Variants in TCERG1L observed in about 807,000 individuals in gnomAD.
TCERG1L encodes transcription elongation regulator 1 like, also known as transcription elongation regulator 1-like protein.
In TCERG1L, 37 loss-of-function variants were observed where a neutral mutation model predicts 56.3. The observed-to-expected ratio is 0.66, with a 90% CI of 0.51 to 0.87. The LOEUF (loss-of-function observed/expected upper bound fraction) is 0.87. Among genes scored for constraint, TCERG1L ranks in the 40% least tolerant of loss-of-function variants. The probability of loss-of-function intolerance (pLI) is 0.00; values close to 1 mark genes in which losing one functional copy is unlikely to be tolerated. For missense variants in TCERG1L, 799 were observed against 774.2 expected, an observed-to-expected ratio of 1.03 and a Z score of -0.38; for synonymous variants, 324 against 326.3, an observed-to-expected ratio of 0.99 and a Z score of 0.08.
intron 4 of TCERG1L, among the ~76,000 whole-genome samples, chr10:131,245,203 C>T (rs1846018087): frequency 6.6e-6 from 1 of 152,144 alleles, no homozygotes; most frequent in African/African-American, 2.4e-5. Flanking sequence ...GCACTGTGAC[C>T]CCAACACACA....
chr10:131,123,856 A>C (rs995975559), intron 8 of TCERG1L, among the ~76,000 whole-genome samples: 1 of 152,054 alleles, frequency 6.6e-6, no homozygotes. Flanking sequence ...CTGTCTTCTC[A>C]AATGCATTTT....
At chr10:131,300,508 T>C (rs1377578268) in intron 3 of TCERG1L, among the ~76,000 whole-genome samples, 1 of 152,206 alleles carries the variant, frequency 6.6e-6, no homozygotes, top group Non-Finnish European at 1.5e-5. Context: ...CAGGAGTTCA[T>C]CAAAGTAATT....
At chr10:131,116,202 A>T (rs1845457978) in intron 9 of TCERG1L, among the ~76,000 whole-genome samples, 1 of 152,236 alleles carries the variant, frequency 6.6e-6, no homozygotes, top group Admixed American at 6.5e-5. Flanking sequence ...CCGACCCCCA[A>T]GTCAAAGTGA....
intron 4 of TCERG1L, among the ~76,000 whole-genome samples, chr10:131,197,204 GTC>G (rs1390918083): frequency 6.8e-6 from 1 of 147,858 alleles, no homozygotes; most frequent in Non-Finnish European, 1.5e-5. Flanking sequence ...TTGAGATGGA[GTC>G]TCACTCTGTT....
chr10:131,302,265 C>T (rs1846770611), intron 3 of TCERG1L, among the ~76,000 whole-genome samples: 1 of 151,666 alleles, frequency 6.6e-6, no homozygotes, highest in African/African-American at 2.4e-5. Flanking sequence ...CATAAAATGC[C>T]TCCAGGATAC....
intron 4 of TCERG1L, among the ~76,000 whole-genome samples, chr10:131,180,435 T>C (rs2397749): frequency 0.46 from 70,175 of 152,212 alleles, 19,316 homozygotes; most frequent in South Asian, 0.69. Context: ...GGATATTACA[T>C]TCTGTTTCAT....
At chr10:131,147,934 C>T (rs1301993870) in intron 6 of TCERG1L, among the ~76,000 whole-genome samples, 6 of 152,216 alleles carry the variant, frequency 3.9e-5, no homozygotes, top group Non-Finnish European at 1.5e-5. Context: ...CACCCAGGCA[C>T]GTTCCATGGG....
chr10:131,198,508 GAGCAGA>G (rs1299136890), intron 4 of TCERG1L, among the ~76,000 whole-genome samples: 1 of 152,256 alleles, frequency 6.6e-6, no homozygotes, highest in Non-Finnish European at 1.5e-5. Context: ...AATTTATAAA[GAGCAGA>G]AGTGTGTTCC....
chr10:131,273,300 G>A (rs529128208), intron 3 of TCERG1L, among the ~76,000 whole-genome samples: 60 of 152,240 alleles, frequency 3.9e-4, no homozygotes, highest in African/African-American at 1.3e-3. Flanking sequence ...GGTGATTCTC[G>A]GGCAGTGTCT....
At chr10:131,264,745 G>A (rs1200520705) in intron 3 of TCERG1L, among the ~76,000 whole-genome samples, 1 of 152,220 alleles carries the variant, frequency 6.6e-6, no homozygotes, top group South Asian at 2.1e-4. Context: ...TAAGACCTCC[G>A]TGTTGGCGGG....
At chr10:131,251,343 C>CCT (rs1240689352) in intron 4 of TCERG1L, among the ~76,000 whole-genome samples, 1 of 151,834 alleles carries the variant, frequency 6.6e-6, no homozygotes, top group Admixed American at 6.6e-5. Flanking sequence ...CAGAACAGCC[C>CCT]CTCTCCCTCT....
chr10:131,150,228 G>A (rs1845848438), intron 6 of TCERG1L, among the ~76,000 whole-genome samples: 1 of 9,362 alleles, frequency 1.1e-4, no homozygotes, highest in Non-Finnish European at 1.3e-3. Context: ...TTTCTGGCAG[G>A]AGGCCATCTG....
intron 7 of TCERG1L, among the ~76,000 whole-genome samples, chr10:131,143,430 C>T (rs1845759313): frequency 1.3e-5 from 2 of 152,146 alleles, no homozygotes; most frequent in Admixed American, 1.3e-4. Context: ...GCCTCTCCTC[C>T]CTCCAACCCA....
rs138578267 is a variant in TCERG1L, at chr10:131,139,510, C to T, written c.1190-5062G>A. On this transcript the variant is annotated intron_variant, in intron 7 of 11. Transcript: ENST00000368642. ...CTCTGAGTCTGAAAGATAGCCAAGACGCATTACAGGTGCGGTGCAGACAGC... is the reference window on the plus strand; with the variant it reads ...CTCTGAGTCTGAAAGATAGCCAAGATGCATTACAGGTGCGGTGCAGACAGC... Among the ~76,000 whole-genome samples the T allele has an allele frequency of 7.3e-3, 1,109 of 152,296 alleles. 8 individuals are homozygous for T. Among genetic ancestry groups the T allele is most frequent in the South Asian group, 0.024 (118 of 4,826 alleles).
At chr10:131,120,253 C>T (rs1845499798) in intron 8 of TCERG1L, among the ~76,000 whole-genome samples, 1 of 152,162 alleles carries the variant, frequency 6.6e-6, no homozygotes, top group African/African-American at 2.4e-5. Context: ...TGCCCATGTG[C>T]AGAGGGCAGC....
intron 7 of TCERG1L, among the ~76,000 whole-genome samples, chr10:131,144,038 G>A (rs776615317): frequency 2.4e-4 from 37 of 151,838 alleles, no homozygotes; most frequent in Admixed American, 5.2e-4. Context: ...CAACTTCCAC[G>A]TCTCCTATCC....
chr10:131,283,399 G>C (rs1226552161), intron 3 of TCERG1L, among the ~76,000 whole-genome samples: 1 of 152,206 alleles, frequency 6.6e-6, no homozygotes, highest in Admixed American at 6.5e-5. Context: ...TAGTTCTGCA[G>C]ATGCAAATGT....
intron 4 of TCERG1L, among the ~76,000 whole-genome samples, chr10:131,195,388 G>A (rs1845348235): frequency 6.6e-6 from 1 of 152,188 alleles, no homozygotes. Context: ...TCGGGGCCCT[G>A]CAAAACCAGA....
intron 6 of TCERG1L, among the ~76,000 whole-genome samples, chr10:131,159,679 G>A (rs1274665444): frequency 7.4e-6 from 1 of 135,338 alleles, no homozygotes; most frequent in Non-Finnish European, 1.5e-5. Context: ...TAGGCATAGA[G>A]CCACCCCCCA....
Sources: gnomAD v4.1 joint callset for allele counts (sites outside exome capture counted in the v4.1 genomes callset) on GRCh38, gnomAD v4.1.1 for gene constraint, MANE v1.5 for transcripts, NCBI Gene and HGNC (gene_info 2026-07-23, HGNC 2026-07-21) for gene names.